Variants in C12orf42 observed in about 807,000 individuals in gnomAD.
C12orf42 encodes the protein chromosome 12 open reading frame 42.
In C12orf42, 25 loss-of-function variants were observed where a neutral mutation model predicts 21.6. That is an observed-to-expected ratio of 1.16 (90% CI 0.84 to 1.62). The LOEUF (loss-of-function observed/expected upper bound fraction) is 1.62, where lower values mean the gene tolerates loss of function less well. Among genes scored for constraint, C12orf42 ranks in the 40% most tolerant of loss-of-function variants. The probability of loss-of-function intolerance (pLI) is 0.00; values close to 1 mark genes in which losing one functional copy is unlikely to be tolerated. For synonymous variants in C12orf42, 174 were observed against 175.0 expected (o/e 0.99, Z 0.05); for missense variants, 483 against 459.3 (o/e 1.05, Z -0.47).
intron 2 of C12orf42, among the ~76,000 whole-genome samples, chr12:103,455,568 C>G (rs1952233140): frequency 6.6e-6 from 1 of 152,116 alleles, no homozygotes; most frequent in Non-Finnish European, 1.5e-5. Flanking sequence ...CTCTGCTCCT[C>G]TCAACACTGC....
At chr12:103,313,289 G>T (rs1466276531) in intron 4 of C12orf42, among the ~76,000 whole-genome samples, 1 of 152,174 alleles carries the variant, frequency 6.6e-6, no homozygotes, top group East Asian at 1.9e-4. Context: ...GCTTTAAAAA[G>T]TATTCTTACA....
At chr12:103,230,444 C>T in the C12orf42 span, among the ~76,000 whole-genome samples, 3 of 152,162 alleles carry the variant, frequency 2.0e-5, no homozygotes, top group East Asian at 1.9e-4. Flanking sequence ...GATGTGATAG[C>T]CCTTCATCTT....
intron 2 of C12orf42, among the ~76,000 whole-genome samples, chr12:103,412,430 A>G (rs2048928253): frequency 6.6e-6 from 1 of 152,214 alleles, no homozygotes; most frequent in Non-Finnish European, 1.5e-5. Flanking sequence ...GCACTTTGGG[A>G]GGCTGAGGCA....
chr12:103,415,607 G>T (rs2049248456), intron 2 of C12orf42, among the ~76,000 whole-genome samples: 1 of 152,176 alleles, frequency 6.6e-6, no homozygotes, highest in Admixed American at 6.5e-5. Context: ...AATGAAAATA[G>T]AAATCAATAT....
At chr12:103,446,974 G>C (rs935320538) in intron 2 of C12orf42, among the ~76,000 whole-genome samples, 1 of 151,908 alleles carries the variant, frequency 6.6e-6, no homozygotes, top group African/African-American at 2.4e-5. Flanking sequence ...AGTCAACAAA[G>C]AAACAATGGA....
At chr12:103,302,618 C>A in intron 5 of C12orf42, 59 bp from the exon 6 acceptor site, 1 of 1,413,502 alleles carries the variant, frequency 7.1e-7, no homozygotes, top group Admixed American at 2.2e-5. Flanking sequence ...GGGACCACAC[C>A]GCACCCCCGC....
In C12orf42 at chr12:103,302,077, C is replaced by A; in HGVS notation, c.*31G>T. 1.3e-6 allele frequency: 2 copies of A among 1,587,164 alleles called. No homozygotes were observed. The highest frequency in any genetic ancestry group is 1.7e-6 in the Non-Finnish European group (2 of 1,166,064). On this transcript the variant is annotated 3_prime_UTR_variant, in exon 6 of 6. Transcript: ENST00000548883. ...GAGCAGGCATTGATTTGAAGATGGG[C>A]AGCACTCGCCGAACAATTCCCTCGC...
At chr12:103,486,994 G>A (rs1232470902) in intron 1 of C12orf42, among the ~76,000 whole-genome samples, 4 of 152,082 alleles carry the variant, frequency 2.6e-5, no homozygotes, top group Non-Finnish European at 5.9e-5. Context: ...CTTGCCTTCT[G>A]CTAGCTTTTA....
At chr12:103,370,537 T>C (rs1383386074) in intron 3 of C12orf42, among the ~76,000 whole-genome samples, 1 of 152,136 alleles carries the variant, frequency 6.6e-6, no homozygotes, top group East Asian at 1.9e-4. Flanking sequence ...CACCGTGGAA[T>C]ACTATGCAGC....
intron 2 of C12orf42, among the ~76,000 whole-genome samples, chr12:103,434,438 C>T (rs925567720): frequency 6.6e-6 from 1 of 152,206 alleles, no homozygotes; most frequent in African/African-American, 2.4e-5. Flanking sequence ...CTACAGCTCC[C>T]AGCGTGAGGG....
chr12:103,376,260 T>C (rs958033303), intron 3 of C12orf42, among the ~76,000 whole-genome samples: 18 of 152,160 alleles, frequency 1.2e-4, no homozygotes, highest in African/African-American at 3.9e-4. Context: ...TGCAGGGACA[T>C]GGATGAAGCT....
At chr12:103,452,694 C>T (rs1592876780) in intron 2 of C12orf42, among the ~76,000 whole-genome samples, 1 of 151,962 alleles carries the variant, frequency 6.6e-6, no homozygotes, top group South Asian at 2.1e-4. Context: ...TACTATGCAG[C>T]CATAAAAAAG....
At chr12:103,380,380 C>T (rs2138182566) in intron 3 of C12orf42, among the ~76,000 whole-genome samples, 1 of 152,052 alleles carries the variant, frequency 6.6e-6, no homozygotes, top group East Asian at 1.9e-4. Flanking sequence ...ACTGTTATTT[C>T]TCAATCTTAT....
intron 4 of C12orf42, among the ~76,000 whole-genome samples, chr12:103,295,961 C>T (rs974562447): frequency 5.3e-5 from 8 of 151,152 alleles, no homozygotes; most frequent in African/African-American, 7.3e-5. Context: ...TGTGCTGCAC[C>T]CATTAACTCG....
intron 4 of C12orf42, among the ~76,000 whole-genome samples, chr12:103,340,379 CA>C: frequency 6.6e-6 from 1 of 152,210 alleles, no homozygotes; most frequent in Non-Finnish European, 1.5e-5. Context: ...CTTCATAATT[CA>C]TGGGGCACTG....
chr12:103,178,772 ATG>A, the C12orf42 span: 1 of 152,224 alleles, frequency 6.6e-6, no homozygotes, highest in Non-Finnish European at 1.5e-5. Context: ...ATTTTCAAGT[ATG>A]TGTTTAAAAA....
At chr12:103,292,373 T>G (rs868369994) in intron 4 of C12orf42, among the ~76,000 whole-genome samples, 8 of 152,216 alleles carry the variant, frequency 5.3e-5, no homozygotes, top group African/African-American at 1.9e-4. Context: ...ATGGGTGAAT[T>G]ATATGATATA....
At chr12:103,444,414 T>C (rs994864299) in intron 2 of C12orf42, among the ~76,000 whole-genome samples, 15 of 152,142 alleles carry the variant, frequency 9.9e-5, no homozygotes, top group African/African-American at 3.4e-4. Flanking sequence ...TGTATAATTC[T>C]GTCATCAATG....
chr12:103,141,076 C>T, the C12orf42 span, among the ~76,000 whole-genome samples: 1 of 152,160 alleles, frequency 6.6e-6, no homozygotes, highest in Non-Finnish European at 1.5e-5. Context: ...TATACAAAGC[C>T]CAGGCCTTTC....
Sources: allele counts gnomAD v4.1 joint callset (sites outside exome capture counted in the v4.1 genomes callset), GRCh38; gene constraint gnomAD v4.1.1; transcripts MANE v1.5; gene names NCBI Gene and HGNC (gene_info 2026-07-23, HGNC 2026-07-21).